CLMN: variants seen among roughly 807,000 people sequenced by gnomAD.
CLMN encodes the protein calmin (calponin-like, transmembrane).
Under a neutral mutation model 92.7 loss-of-function variants are expected in CLMN, and 57 were observed. The observed-to-expected ratio is 0.61, with a 90% CI of 0.50 to 0.77. The LOEUF (loss-of-function observed/expected upper bound fraction) is 0.77, where lower values mean the gene tolerates loss of function less well. CLMN is among the 30% of genes least tolerant of loss of function. The pLI, the probability that CLMN is intolerant of heterozygous loss-of-function variation, is 0.00. For missense variants in CLMN, 1,158 were observed against 1,237.5 expected (o/e 0.94, Z 0.96); for synonymous variants, 466 against 470.6 (o/e 0.99, Z 0.13).
intron 1 of CLMN, among the ~76,000 whole-genome samples, chr14:95,265,239 TC>T (rs1202149513): frequency 7.0e-6 from 1 of 142,916 alleles, no homozygotes; most frequent in Non-Finnish European, 1.5e-5. Flanking sequence ...AGACTCTGAA[TC>T]AAAAAAAAAA....
chr14:95,215,240 C>A (rs1595577882), intron 5 of CLMN, among the ~76,000 whole-genome samples: 1 of 152,338 alleles, frequency 6.6e-6, no homozygotes, highest in Middle Eastern at 3.4e-3. Context: ...GCCTGTTATT[C>A]TTCTTCCTCA....
chr14:95,299,099 G>A (rs139287587), intron 1 of CLMN, among the ~76,000 whole-genome samples: 3 of 152,184 alleles, frequency 2.0e-5, no homozygotes, highest in African/African-American at 7.2e-5. Context: ...CTCAGTGATT[G>A]AACCAGACAA....
chr14:95,227,414 G>C (rs1897744995), intron 2 of CLMN, among the ~76,000 whole-genome samples: 1 of 152,180 alleles, frequency 6.6e-6, no homozygotes, highest in Admixed American at 6.5e-5. Context: ...CTTCCACCCT[G>C]AGCATGACGG....
intron 1 of CLMN, among the ~76,000 whole-genome samples, chr14:95,310,175 C>T (rs987527019): frequency 3.3e-5 from 5 of 152,212 alleles, no homozygotes; most frequent in African/African-American, 1.2e-4. Context: ...CAGATGCTGG[C>T]ACCACACTTC....
intron 1 of CLMN, among the ~76,000 whole-genome samples, chr14:95,252,341 AG>A (rs1281975497): frequency 1.1e-4 from 16 of 152,286 alleles, no homozygotes; most frequent in East Asian, 3.9e-4. Flanking sequence ...ACAGCATTGC[AG>A]GGTTGCCTTG....
chr14:95,302,520 T>C (rs1901104048), intron 1 of CLMN, among the ~76,000 whole-genome samples: 1 of 152,188 alleles, frequency 6.6e-6, no homozygotes, highest in Non-Finnish European at 1.5e-5. Flanking sequence ...TAATCTACTA[T>C]ATCCAAAGTA....
chr14:95,260,258 G>A (rs970328395), intron 1 of CLMN, among the ~76,000 whole-genome samples: 3 of 152,026 alleles, frequency 2.0e-5, no homozygotes, highest in African/African-American at 7.2e-5. Context: ...TGGCTAACAC[G>A]GTGAAACCCC....
chr14:95,198,490 C>G (rs1382050109), intron 9 of CLMN, among the ~76,000 whole-genome samples: 1 of 152,134 alleles, frequency 6.6e-6, no homozygotes, highest in Non-Finnish European at 1.5e-5. Context: ...CTCACCCACA[C>G]GGATTGAGGC....
intron 10 of CLMN, among the ~76,000 whole-genome samples, chr14:95,195,068 TGGAGGGTAACGTCCTATTTCCTTGA>T: frequency 2.6e-5 from 4 of 152,300 alleles, no homozygotes. Context: ...CCTAGCGGAA[TGGAGGGTAACGTCCTATTTCCTTGA>T]AGGATGGAGC....
rs1900744028 is a variant in CLMN at position 95,294,932 on chromosome 14, C to T, written c.82+24779G>A. Among the ~76,000 whole-genome samples the T allele has an allele frequency of 6.6e-6, 1 of 152,252 alleles. No homozygotes were observed. Among genetic ancestry groups the T allele is most frequent in the African/African-American group, 2.4e-5 (1 of 41,474 alleles). Reference sequence around the variant, plus strand: ...CCCCAGCTCCAGCCAGAGTGCCCCTCACCAGGCGATAGCTTTGTGGGGCTC... The same window carrying T: ...CCCCAGCTCCAGCCAGAGTGCCCCTTACCAGGCGATAGCTTTGTGGGGCTC... On this transcript the variant is annotated intron_variant, in intron 1 of 12. Coordinates refer to ENST00000298912, the MANE Select transcript of CLMN (RefSeq NM_024734.4). The surrounding 1 kb of genome is among the most constrained non-coding windows in gnomAD (Gnocchi z 4.2).
rs964759803 is a variant in CLMN, at chr14:95,215,653, G to T, written c.405C>A (p.Ile135=). 1 of 1,613,432 alleles carries T rather than the reference G, an allele frequency of 6.2e-7. No homozygotes were observed. Among genetic ancestry groups the T allele is most frequent in the African/African-American group, 1.3e-5 (1 of 74,922 alleles). ...GAAATGATCTTACCTGGAAGAAGAGGATTATGTTCCATATCAGCCCAAGAA... is the reference window on the plus strand; with the variant it reads ...GAAATGATCTTACCTGGAAGAAGAGTATTATGTTCCATATCAGCCCAAGAA... The part of the protein sequence containing the change: ...SLVLGLIWNI[I]LFFQIKELTG... The change falls in exon 5 of 13, where the codon ATC becomes ATA. Residue 135 remains isoleucine (I), a synonymous_variant. Transcript: ENST00000298912.
rs1475555477 is a variant in CLMN, at chr14:95,183,006, CA to C, written c.*8557del. The C allele has an allele frequency of 1.3e-5, 2 of 152,216 alleles. No homozygotes were observed. The highest frequency in any genetic ancestry group is 4.8e-5 in the African/African-American group (2 of 41,454). The allele number at this position is 152,216 out of a possible 1,614,324, so 9.4% of individuals were successfully genotyped here. Reference sequence around the variant, plus strand: ...CTGCCCTAAGCTTTGGGCTGATATACAGAGGTACACTTGCTTTAAGCAAATA... The same window carrying C: ...CTGCCCTAAGCTTTGGGCTGATATACGAGGTACACTTGCTTTAAGCAAATA... On this transcript the variant is annotated 3_prime_UTR_variant, in exon 13 of 13. Coordinates refer to ENST00000298912, the MANE Select transcript of CLMN (RefSeq NM_024734.4).
intron 8 of CLMN, 47 bp from the exon 9 acceptor site, chr14:95,204,510 A>C: frequency 6.7e-7 from 1 of 1,482,854 alleles, no homozygotes; most frequent in Non-Finnish European, 9.0e-7. Context: ...ACAAAAGAAC[A>C]ACAACAAAAA....
intron 1 of CLMN, among the ~76,000 whole-genome samples, chr14:95,310,159 C>T (rs1303146766): frequency 6.6e-6 from 1 of 152,206 alleles, no homozygotes; most frequent in East Asian, 1.9e-4. Flanking sequence ...GAGGCCTCCC[C>T]AGAAGCAGAT....
intron 1 of CLMN, among the ~76,000 whole-genome samples, chr14:95,264,690 G>A (rs867828738): frequency 2.6e-5 from 4 of 152,148 alleles, no homozygotes; most frequent in South Asian, 2.1e-4. Context: ...ATGTGTCAAC[G>A]TGACCAGGCA....
At chr14:95,238,455 G>T (rs1387033556) in intron 1 of CLMN, among the ~76,000 whole-genome samples, 2 of 152,148 alleles carry the variant, frequency 1.3e-5, no homozygotes, top group African/African-American at 4.8e-5. Context: ...CAGTGATTTT[G>T]CATTTAATTT....
In CLMN at chr14:95,202,403, T is replaced by C. The variant is rs541830503; in HGVS notation, c.2511+435A>G. Among the ~76,000 whole-genome samples, 265 of 152,324 alleles carry C rather than the reference T, an allele frequency of 1.7e-3. 1 individual carries two copies. The highest frequency in any genetic ancestry group is 6.2e-3 in the African/African-American group (257 of 41,564). On this transcript the variant is annotated intron_variant, in intron 9 of 12. Transcript: ENST00000298912. ...TAATATTTGGTTTCTGTGTTAGAAA[T>C]GTGTGTGTAACAGGATAAGGGAGAT...
chr14:95,224,757 C>T (rs1268309827), intron 2 of CLMN, among the ~76,000 whole-genome samples: 1 of 152,208 alleles, frequency 6.6e-6, no homozygotes, highest in African/African-American at 2.4e-5. Context: ...CAGTTACTCT[C>T]CAGGATTCAA....
chr14:95,249,290 T>C (rs1380834770), intron 1 of CLMN, among the ~76,000 whole-genome samples: 1 of 152,200 alleles, frequency 6.6e-6, no homozygotes, highest in East Asian at 1.9e-4. Flanking sequence ...CATCACTGCA[T>C]GTTGAGCAGA....
Sources: allele counts gnomAD v4.1 joint callset (sites outside exome capture counted in the v4.1 genomes callset), GRCh38; gene constraint gnomAD v4.1.1; non-coding constraint Gnocchi (gnomAD v3.1); transcripts MANE v1.5; gene names NCBI Gene and HGNC (gene_info 2026-07-23, HGNC 2026-07-21).